The following UGT2B17 variants were observed in gnomAD, a reference collection of about 807,000 sequenced individuals.
UGT2B17 encodes the protein UDP glucuronosyltransferase family 2 member B17, also known as UDP-glucuronosyltransferase 2B17.
A neutral mutation model predicts 48.2 loss-of-function variants in UGT2B17; 21 were observed. The observed-to-expected ratio is 0.44, with a 90% CI of 0.31 to 0.63. UGT2B17 has a LOEUF of 0.63. UGT2B17 is among the 20% of genes least tolerant of loss of function. UGT2B17 has a pLI of 0.08. For missense variants in UGT2B17, 402 were observed against 696.1 expected, an observed-to-expected ratio of 0.58 and a Z score of 4.75; for synonymous variants, 146 against 238.4, an observed-to-expected ratio of 0.61 and a Z score of 3.57.
Position 68,541,819 on chromosome 4 carries a change from G to T in UGT2B17, c.1314-3915C>A, listed in dbSNP as rs1730662806. ...TTTAATCCATCTTGAGTTAATTTTT[G>T]TATAAGGTGTAAGGCAGGGGTATAG... On this transcript the variant is annotated intron_variant, in intron 6 of 6. Coordinates refer to ENST00000317746, the MANE Select transcript of UGT2B17 (RefSeq NM_001077.4). Among the ~76,000 whole-genome samples, 2 of 126,504 alleles carry T rather than the reference G, an allele frequency of 1.6e-5. 1 individual carries two copies. The highest frequency in any genetic ancestry group is 1.6e-4 in the Admixed American group (2 of 12,336). 83.0% of individuals were successfully genotyped at this position (126,504 alleles called of 152,430 possible).
chr4:68,556,331 T>C (rs189072090), intron 4 of UGT2B17, among the ~76,000 whole-genome samples: 1 of 123,508 alleles, frequency 8.1e-6, no homozygotes, highest in African/African-American at 2.7e-5. Context: ...TTCTCTCCCC[T>C]TTTAAAGGGT....
chr4:68,568,253 G>A lies in UGT2B17; in HGVS notation c.232C>T (p.Pro78Ser). ...KSSAIKLEVY[P>S]TSLTKNDLED... ...AAATCATTTTTAGTTAAAGATGTAG[G>A]ATAAACTTCTAATTTAATAGCAGAT... The change falls in exon 2 of 7, where the codon CCT (proline) becomes TCT (serine). Residue 78 changes from proline to serine, a missense_variant. Physicochemically the swap from Pro to Ser is moderately conservative, Grantham distance 74. This residue lies in a region of UGT2B17 where 51 missense variants were observed against 108.7 expected (regional missense o/e 0.47). Coordinates refer to ENST00000317746, the MANE Select transcript of UGT2B17 (RefSeq NM_001077.4). 7.3e-7 allele frequency: 1 copy of A among 1,375,212 alleles called. No homozygotes were observed. Among genetic ancestry groups the A allele is most frequent in the Non-Finnish European group, 9.5e-7 (1 of 1,053,720 alleles). The allele number at this position is 1,375,212 out of a possible 1,614,324, so 85.2% of individuals were successfully genotyped here. A position where few individuals can be genotyped will look rare whatever the true frequency, so the allele number is the denominator to read the frequency against.
Position 68,550,634 on chromosome 4 carries a change from AT to A in UGT2B17, c.1313+42del, listed in dbSNP as rs771410358. On this transcript the variant is annotated intron_variant, in intron 6 of 6. Coordinates refer to ENST00000317746, the MANE Select transcript of UGT2B17 (RefSeq NM_001077.4). ...CAAACTCATATTCACTGTTGACAAA[AT>A]AATTTGTAAGTACCACCTGGTCACA... is the stretch of plus-strand genomic sequence containing the variant. The A allele has an allele frequency of 2.3e-5, 31 of 1,324,250 alleles. 13 individuals carry two copies. The East Asian group carries it at 6.8e-4, about 29-fold the overall frequency. 82.0% of individuals were successfully genotyped at this position (1,324,250 alleles called of 1,614,324 possible).
intron 3 of UGT2B17, among the ~76,000 whole-genome samples, chr4:68,562,053 T>C (rs946968402): frequency 7.9e-6 from 1 of 125,802 alleles, no homozygotes; most frequent in Non-Finnish European, 1.7e-5. Flanking sequence ...ATTCAGACCA[T>C]ATATTGGTAT....
At chr4:68,546,140 C>T (rs1009483957) in intron 6 of UGT2B17, among the ~76,000 whole-genome samples, 2 of 125,618 alleles carry the variant, frequency 1.6e-5, no homozygotes, top group Admixed American at 1.6e-4. Flanking sequence ...AATTGTAGAC[C>T]AATATCCCTG....
chr4:68,552,845 AT>A (rs1308620145), intron 4 of UGT2B17, among the ~76,000 whole-genome samples: 3 of 121,082 alleles, frequency 2.5e-5, no homozygotes, highest in Non-Finnish European at 5.2e-5. Flanking sequence ...TTTGTTTTTT[AT>A]TTTTTTTTGG....
rs749633880 is a variant in UGT2B17, at chr4:68,541,018, G to A, written c.1314-3114C>T. ...CATAGTATGCCGCCATACTGTACAT[G>A]CATCATATTTTCTTTATCCAGTCTA... On this transcript the variant is annotated intron_variant, in intron 6 of 6. Transcript: ENST00000317746. 1.0e-4 allele frequency among the ~76,000 whole-genome samples: 13 copies of A among 125,538 alleles called. 3 individuals carry two copies. Among genetic ancestry groups the A allele is most frequent in the Non-Finnish European group, 5.0e-5 (3 of 59,460 alleles). 82.4% of individuals were successfully genotyped at this position (125,538 alleles called of 152,430 possible).
chr4:68,540,704 A>T (rs1730639829), intron 6 of UGT2B17, among the ~76,000 whole-genome samples: 1 of 125,962 alleles, frequency 7.9e-6, no homozygotes, highest in Non-Finnish European at 1.7e-5. Flanking sequence ...ACATAGGTAT[A>T]TGTGTGCCAT....
rs1437635787 is a variant in UGT2B17 at position 68,538,690 on chromosome 4, C to T, written c.1314-786G>A. 3.2e-5 allele frequency among the ~76,000 whole-genome samples: 4 copies of T among 126,556 alleles called. 1 individual carries two copies. Among genetic ancestry groups the T allele is most frequent in the African/African-American group, 1.1e-4 (4 of 37,002 alleles). The allele number at this position is 126,556 out of a possible 152,430, so 83.0% of individuals were successfully genotyped here. On this transcript the variant is annotated intron_variant, in intron 6 of 6. Transcript: ENST00000317746. Reference sequence around the variant, plus strand: ...AATTAATGTCAAATTATGACAGTTGCCTGTCAAGATTTCCATCTGGTTTCT... The same window carrying T: ...AATTAATGTCAAATTATGACAGTTGTCTGTCAAGATTTCCATCTGGTTTCT...
At position 68,556,228 on chromosome 4, in the gene UGT2B17, T is replaced by C. The variant is rs1730997554; in HGVS notation, c.1005+4309A>G. On this transcript the variant is annotated intron_variant, in intron 4 of 6. Transcript: ENST00000317746. The stretch of plus-strand genomic sequence containing the variant: ...TAAATAATTGGTTAGAACAATAACA[T>C]TTTCTTAAGGGATTGATTTACTCTT... Among the ~76,000 whole-genome samples the C allele has an allele frequency of 1.6e-5, 2 of 124,328 alleles. 1 individual carries two copies. The highest frequency in any genetic ancestry group is 1.6e-4 in the Admixed American group (2 of 12,186). 81.6% of individuals were successfully genotyped at this position (124,328 alleles called of 152,430 possible). A position where few individuals can be genotyped will look rare whatever the true frequency, so the allele number is the denominator to read the frequency against.
intron 6 of UGT2B17, among the ~76,000 whole-genome samples, chr4:68,541,010 C>G (rs1394167007): frequency 8.0e-6 from 1 of 125,642 alleles, no homozygotes; most frequent in Non-Finnish European, 1.7e-5. Flanking sequence ...TGCCGCCATA[C>G]TGTACATGCA....
In UGT2B17 at chr4:68,553,805, C is replaced by T. The variant is rs1216458132; in HGVS notation, c.1006-1894G>A. On this transcript the variant is annotated intron_variant, in intron 4 of 6. Coordinates refer to ENST00000317746, the MANE Select transcript of UGT2B17 (RefSeq NM_001077.4). ...TTGTTTTTATTCCCCAAATTAATCT[C>T]ATTTGGCTTGTCTGTGTGGATTTGT... Among the ~76,000 whole-genome samples, 10 of 120,504 alleles carry T rather than the reference C, an allele frequency of 8.3e-5. 2 individuals carry two copies. The highest frequency in any genetic ancestry group is 2.5e-4 in the African/African-American group (9 of 35,402). The allele number at this position is 120,504 out of a possible 152,430, so 79.1% of individuals were successfully genotyped here. A position where few individuals can be genotyped will look rare whatever the true frequency, so the allele number is the denominator to read the frequency against.
intron 4 of UGT2B17, among the ~76,000 whole-genome samples, chr4:68,556,421 T>C (rs1326759258): frequency 8.0e-6 from 1 of 125,056 alleles, no homozygotes; most frequent in Non-Finnish European, 1.7e-5. Context: ...TGTGGCATAA[T>C]GCTAACAGTG....
At chr4:68,542,829 G>A (rs112642014) in intron 6 of UGT2B17, among the ~76,000 whole-genome samples, 1,618 of 127,070 alleles carry the variant, frequency 0.013, 325 homozygotes, top group African/African-American at 0.04. Context: ...TACGCCCACG[G>A]AGCCTCGCTC....
rs1430347395 is a variant in UGT2B17, at chr4:68,542,442, A to G, written c.1314-4538T>C. Among the ~76,000 whole-genome samples, 30 of 126,380 alleles carry G rather than the reference A, an allele frequency of 2.4e-4. 6 individuals carry two copies. The highest frequency in any genetic ancestry group is 7.6e-4 in the African/African-American group (28 of 36,978). 82.9% of individuals were successfully genotyped at this position (126,380 alleles called of 152,430 possible). A position where few individuals can be genotyped will look rare whatever the true frequency, so the allele number is the denominator to read the frequency against. On this transcript the variant is annotated intron_variant, in intron 6 of 6. Coordinates refer to ENST00000317746, the MANE Select transcript of UGT2B17 (RefSeq NM_001077.4). ...TAGTTTGATGGGAATAGCTTTGAAT[A>G]TATAAATTACTGTGGGAAGAAGCCA...
rs1159392619 is a variant in UGT2B17 at position 68,554,541 on chromosome 4, T to C, written c.1006-2630A>G. Among the ~76,000 whole-genome samples the C allele has an allele frequency of 3.2e-5, 4 of 126,262 alleles. 1 individual carries two copies. Among genetic ancestry groups the C allele is most frequent in the Non-Finnish European group, 6.7e-5 (4 of 59,552 alleles). The allele number at this position is 126,262 out of a possible 152,430, so 82.8% of individuals were successfully genotyped here. ...GTTTTTGTCTGCAAGCTGGTGATTT[T>C]TTTTTATCTCATAGCTAAATTTCTG... is the stretch of plus-strand genomic sequence containing the variant. On this transcript the variant is annotated intron_variant, in intron 4 of 6. Coordinates refer to ENST00000317746, the MANE Select transcript of UGT2B17 (RefSeq NM_001077.4).
At chr4:68,567,181 A>T (rs1408038503) in intron 2 of UGT2B17, among the ~76,000 whole-genome samples, 2 of 126,084 alleles carry the variant, frequency 1.6e-5, no homozygotes, top group Non-Finnish European at 3.4e-5. Context: ...ACAAGATTTC[A>T]GTTTTTGAAG....
At position 68,563,467 on chromosome 4, in the gene UGT2B17, G is replaced by A. The variant is rs1174574282; in HGVS notation, c.873+2105C>T. ...TCTACTAAAAATACAAAAATTATCCGGATGTGTTGGTGGGTGCCTGTAATC... is the reference window on the plus strand; with the variant it reads ...TCTACTAAAAATACAAAAATTATCCAGATGTGTTGGTGGGTGCCTGTAATC... On this transcript the variant is annotated intron_variant, in intron 3 of 6. Coordinates refer to ENST00000317746, the MANE Select transcript of UGT2B17 (RefSeq NM_001077.4). Among the ~76,000 whole-genome samples, 2 of 126,200 alleles carry A rather than the reference G, an allele frequency of 1.6e-5. 1 individual carries two copies. The highest frequency in any genetic ancestry group is 1.6e-4 in the Admixed American group (2 of 12,314). 82.8% of individuals were successfully genotyped at this position (126,200 alleles called of 152,430 possible).
chr4:68,570,556 T>C lies in UGT2B17; in HGVS notation c.-64-2008A>G, dbSNP rs545419253. On this transcript the variant is annotated intron_variant, in intron 1 of 6. Transcript: ENST00000317746. ...CTGAGAGGGTCCTTCTCTTCCTTCATTCCCCCCTTTTGAGACTCTCACTTT... is the reference window on the plus strand; with the variant it reads ...CTGAGAGGGTCCTTCTCTTCCTTCACTCCCCCCTTTTGAGACTCTCACTTT... Among the ~76,000 whole-genome samples, 38 of 126,332 alleles carry C rather than the reference T, an allele frequency of 3.0e-4. 12 individuals carry two copies. In the South Asian group the frequency reaches 8.2e-3, roughly 27 times the overall value. 82.9% of individuals were successfully genotyped at this position (126,332 alleles called of 152,430 possible).
Sources: gnomAD v4.1 joint callset for allele counts (sites outside exome capture counted in the v4.1 genomes callset) on GRCh38, gnomAD v4.1.1 for gene constraint, gnomAD v4.1.1 regional missense constraint, MANE v1.5 for transcripts, NCBI Gene and HGNC (gene_info 2026-07-23, HGNC 2026-07-21) for gene names.